SPAG16: variants seen among roughly 807,000 people sequenced by gnomAD.
SPAG16 encodes sperm-associated antigen 16 protein.
A neutral mutation model predicts 80.4 loss-of-function variants in SPAG16; 86 were observed. The ratio of observed to expected loss-of-function variants is 1.07; its 90% CI spans 0.90 to 1.28. The LOEUF is 1.28. Ranked by LOEUF, SPAG16 falls within the 50% of genes most tolerant of loss-of-function variation. SPAG16 has a pLI of 0.00. For missense variants in SPAG16, 870 were observed against 765.3 expected (o/e 1.14, Z -1.61); for synonymous variants, 294 against 265.9 (o/e 1.11, Z -1.03).
At chr2:214,079,219 C>A (rs1000294098) in intron 13 of SPAG16, among the ~76,000 whole-genome samples, 1 of 152,112 alleles carries the variant, frequency 6.6e-6, no homozygotes, top group African/African-American at 2.4e-5. Context: ...CTACTTCCCA[C>A]CTCACCATCA....
chr2:214,286,249 A>G (rs1052475057), intron 15 of SPAG16, among the ~76,000 whole-genome samples: 13 of 152,280 alleles, frequency 8.5e-5, no homozygotes, highest in African/African-American at 3.1e-4. Flanking sequence ...CTGGAGATCT[A>G]ACGTACAACA....
At chr2:214,177,730 G>A (rs956726484) in intron 15 of SPAG16, among the ~76,000 whole-genome samples, 1 of 149,878 alleles carries the variant, frequency 6.7e-6, no homozygotes, top group Non-Finnish European at 1.5e-5. Context: ...GTAGTTTGCT[G>A]AGTATTTATA....
intron 10 of SPAG16, among the ~76,000 whole-genome samples, chr2:213,755,754 A>C (rs944649376): frequency 6.6e-6 from 1 of 152,206 alleles, no homozygotes; most frequent in Non-Finnish European, 1.5e-5. Context: ...GATGATAGGC[A>C]GTGGACTTTA....
intron 10 of SPAG16, among the ~76,000 whole-genome samples, chr2:213,665,371 AAC>A (rs201728391): frequency 2.0e-5 from 3 of 151,880 alleles, no homozygotes; most frequent in African/African-American, 4.8e-5. Context: ...ATGCTGGATA[AAC>A]ACACACACAC....
intron 9 of SPAG16, among the ~76,000 whole-genome samples, chr2:213,464,264 A>G (rs763289894): frequency 1.3e-5 from 2 of 152,224 alleles, no homozygotes; most frequent in African/African-American, 4.8e-5. Flanking sequence ...CAGTAGTGCC[A>G]TGGGCATGAG....
chr2:213,305,723 G>T (rs527899299), intron 3 of SPAG16, among the ~76,000 whole-genome samples: 2 of 152,216 alleles, frequency 1.3e-5, no homozygotes, highest in African/African-American at 4.8e-5. Flanking sequence ...TGGTCATGAT[G>T]ATGACCTTTT....
chr2:214,327,299 T>C (rs1023459962), intron 15 of SPAG16, among the ~76,000 whole-genome samples: 1 of 152,188 alleles, frequency 6.6e-6, no homozygotes, highest in African/African-American at 2.4e-5. Flanking sequence ...CAGGAAATTT[T>C]TGTCAGAAGA....
chr2:213,867,355 T>C (rs1411140078), intron 11 of SPAG16, among the ~76,000 whole-genome samples: 1 of 152,134 alleles, frequency 6.6e-6, no homozygotes, highest in Non-Finnish European at 1.5e-5. Flanking sequence ...AAGAAGAAAA[T>C]GTACATTGCC....
chr2:214,317,695 T>A (rs1695785747), intron 15 of SPAG16, among the ~76,000 whole-genome samples: 4 of 152,244 alleles, frequency 2.6e-5, no homozygotes. Flanking sequence ...GTATCAGCTT[T>A]CCTTTCCTGA....
chr2:213,806,312 C>A (rs776428741), intron 10 of SPAG16, among the ~76,000 whole-genome samples: 1 of 152,100 alleles, frequency 6.6e-6, no homozygotes, highest in Non-Finnish European at 1.5e-5. Context: ...TTTAATTCTG[C>A]CACCAGATGG....
chr2:213,833,538 TAA>T (rs2073881149), intron 10 of SPAG16, among the ~76,000 whole-genome samples: 4 of 382 alleles, frequency 0.01, 1 homozygote, highest in Non-Finnish European at 0.014. Context: ...ATATTATATA[TAA>T]TATATATAAT....
At chr2:213,629,625 G>A (rs1173221107) in intron 10 of SPAG16, among the ~76,000 whole-genome samples, 2 of 152,302 alleles carry the variant, frequency 1.3e-5, no homozygotes. Flanking sequence ...GAATGATGTG[G>A]CAGTCCTGGG....
At chr2:214,134,792 A>C (rs1363721666) in intron 14 of SPAG16, among the ~76,000 whole-genome samples, 2 of 152,216 alleles carry the variant, frequency 1.3e-5, no homozygotes, top group Non-Finnish European at 2.9e-5. Flanking sequence ...TACAAAACAC[A>C]TAAGAACTTT....
chr2:213,727,972 C>T (rs1048450285), intron 10 of SPAG16, among the ~76,000 whole-genome samples: 10 of 152,014 alleles, frequency 6.6e-5, no homozygotes, highest in African/African-American at 2.4e-4. Context: ...CTTCAGCCTC[C>T]TGAGTAGCTG....
intron 11 of SPAG16, among the ~76,000 whole-genome samples, chr2:213,903,397 C>T (rs1290172539): frequency 6.6e-6 from 1 of 152,198 alleles, no homozygotes; most frequent in African/African-American, 2.4e-5. Flanking sequence ...CCTTCACTCA[C>T]AGCTCAACAC....
intron 10 of SPAG16, among the ~76,000 whole-genome samples, chr2:213,772,804 A>G (rs1207820480): frequency 6.6e-6 from 1 of 152,184 alleles, no homozygotes; most frequent in Non-Finnish European, 1.5e-5. Context: ...CATCAATTTG[A>G]GGAAAACTGA....
intron 10 of SPAG16, among the ~76,000 whole-genome samples, chr2:213,653,315 C>T (rs1343166526): frequency 6.6e-6 from 1 of 152,106 alleles, no homozygotes; most frequent in Non-Finnish European, 1.5e-5. Flanking sequence ...CTTCAGTAGT[C>T]TCAATATAAG....
intron 15 of SPAG16, among the ~76,000 whole-genome samples, chr2:214,276,052 C>T (rs1692440075): frequency 2.0e-5 from 3 of 152,108 alleles, no homozygotes; most frequent in Non-Finnish European, 2.9e-5. Flanking sequence ...ATGTAATGGC[C>T]TTCTTTGTCT....
intron 10 of SPAG16, among the ~76,000 whole-genome samples, chr2:213,799,772 T>G (rs780418280): frequency 1.3e-5 from 2 of 152,118 alleles, no homozygotes; most frequent in African/African-American, 4.8e-5. Context: ...TCAAGCCAAA[T>G]TGTTTTGTAT....
Sources: gnomAD v4.1 joint callset for allele counts (sites outside exome capture counted in the v4.1 genomes callset) on GRCh38, gnomAD v4.1.1 for gene constraint, MANE v1.5 for transcripts, NCBI Gene and HGNC (gene_info 2026-07-23, HGNC 2026-07-21) for gene names.